The following TTBK2 variants were observed in gnomAD, a reference collection of about 807,000 sequenced individuals.
The protein encoded by TTBK2 is tau tubulin kinase 2, also known as tau-tubulin kinase 2.
TTBK2 carries 28 observed loss-of-function variants against 110.8 expected under a neutral mutation model. The ratio of observed to expected loss-of-function variants is 0.25; its 90% CI spans 0.19 to 0.35. The LOEUF (loss-of-function observed/expected upper bound fraction) is 0.35. Ranked by LOEUF, TTBK2 falls within the 10% of genes least tolerant of loss-of-function variation. The pLI is 1.00. For synonymous variants in TTBK2, 532 were observed against 527.3 expected, an observed-to-expected ratio of 1.01 and a Z score of -0.12; for missense variants, 1,369 against 1,500.3, an observed-to-expected ratio of 0.91 and a Z score of 1.45.
At chr15:42,855,808 C>G (rs1157777883) in intron 3 of TTBK2, among the ~76,000 whole-genome samples, 1 of 152,186 alleles carries the variant, frequency 6.6e-6, no homozygotes, top group Non-Finnish European at 1.5e-5. Context: ...CCTCAGCCTC[C>G]CGAGCAGCTG....
At chr15:42,851,950 A>G (rs2066885224) in intron 3 of TTBK2, among the ~76,000 whole-genome samples, 1 of 152,236 alleles carries the variant, frequency 6.6e-6, no homozygotes, top group Non-Finnish European at 1.5e-5. Flanking sequence ...TATTAGTTAT[A>G]TATGAATGAT....
chr15:42,825,701 C>T (rs971190005), intron 6 of TTBK2, among the ~76,000 whole-genome samples: 7 of 152,026 alleles, frequency 4.6e-5, no homozygotes, highest in African/African-American at 1.4e-4. Flanking sequence ...GGCGACAGAG[C>T]GAGACTCCAT....
chr15:42,814,138 C>A (rs1891843197), intron 7 of TTBK2, among the ~76,000 whole-genome samples: 1 of 152,156 alleles, frequency 6.6e-6, no homozygotes, highest in East Asian at 1.9e-4. Flanking sequence ...TCTCCTGCCT[C>A]AGCCTCCCGA....
chr15:42,766,445 G>GAAAAAAAAAAAAA lies in TTBK2; in HGVS notation c.1998+8689_1998+8690insTTTTTTTTTTTTT, dbSNP rs1424460257. On this transcript the variant is annotated intron_variant, in intron 13 of 14. Coordinates refer to ENST00000267890, the MANE Select transcript of TTBK2 (RefSeq NM_173500.4). ...GGAAGATCTACCAAGCGAATGGAAA[G>GAAAAAAAAAAAAA]CAAAAAAAAAAAAAAAAAAAAAGCA... is the stretch of plus-strand genomic sequence containing the variant. Among the ~76,000 whole-genome samples, 6 of 15,146 alleles carry GAAAAAAAAAAAAA rather than the reference G, an allele frequency of 4.0e-4. No homozygotes were observed. The African/African-American group carries it at 6.4e-3, about 16-fold the overall frequency. 9.9% of individuals were successfully genotyped at this position (15,146 alleles called of 152,430 possible).
intron 9 of TTBK2, chr15:42,798,293 T>C (rs1391652701): frequency 4.4e-6 from 2 of 456,102 alleles, no homozygotes; most frequent in East Asian, 7.0e-5. Flanking sequence ...AAGGGAAAAA[T>C]CTGAAAAAAA....
intron 1 of TTBK2, among the ~76,000 whole-genome samples, chr15:42,917,547 C>G (rs1218076286): frequency 1.3e-5 from 2 of 151,230 alleles, no homozygotes; most frequent in African/African-American, 4.9e-5. Flanking sequence ...TTTCATATGA[C>G]CTTAAAGGCT....
At chr15:42,909,979 G>A (rs2030654241) in intron 1 of TTBK2, among the ~76,000 whole-genome samples, 1 of 152,024 alleles carries the variant, frequency 6.6e-6, no homozygotes, top group South Asian at 2.1e-4. Flanking sequence ...AACACAGGGA[G>A]ATCCCATCTC....
At chr15:42,871,306 G>T in intron 3 of TTBK2, 1 of 265,654 alleles carries the variant, frequency 3.8e-6, no homozygotes, top group Non-Finnish European at 5.8e-6. Flanking sequence ...GAGACAGCTA[G>T]CATCCAAGGG....
In TTBK2 at chr15:42,856,634, G is replaced by A. The variant is rs571721406; in HGVS notation, c.217+15977C>T. Among the ~76,000 whole-genome samples, 11 of 152,230 alleles carry A rather than the reference G, an allele frequency of 7.2e-5. No individual in the cohort carries two copies. The South Asian group carries it at 1.0e-3, about 14-fold the overall frequency. On this transcript the variant is annotated intron_variant, in intron 3 of 14. Transcript: ENST00000267890. ...ATTAAGAAAAGAATCACTTTGGGAGGCCGAAACAAAAAGATCATTTGAGGC... is the reference window on the plus strand; with the variant it reads ...ATTAAGAAAAGAATCACTTTGGGAGACCGAAACAAAAAGATCATTTGAGGC...
chr15:42,848,872 T>C (rs771931392), intron 3 of TTBK2, among the ~76,000 whole-genome samples: 10 of 152,226 alleles, frequency 6.6e-5, no homozygotes, highest in Non-Finnish European at 1.3e-4. Context: ...CAGTTCTCAA[T>C]TGTTCATTGC....
rs548173545 is a variant in TTBK2 at position 42,915,720 on chromosome 15, G to C, written c.-68+4718C>G. Among the ~76,000 whole-genome samples, 9 of 152,320 alleles carry C rather than the reference G, an allele frequency of 5.9e-5. 1 individual carries two copies. The South Asian group carries it at 1.7e-3, about 28-fold the overall frequency. ...CCTGCACTTTGGGAGGCTGAGGTGG[G>C]AGGATTGCTTGAATTCAGGAGTTCA... On this transcript the variant is annotated intron_variant, in intron 1 of 14. Coordinates refer to ENST00000267890, the MANE Select transcript of TTBK2 (RefSeq NM_173500.4).
chr15:42,838,802 C>A (rs1217193131), intron 4 of TTBK2, among the ~76,000 whole-genome samples: 1 of 151,156 alleles, frequency 6.6e-6, no homozygotes, highest in Non-Finnish European at 1.5e-5. Context: ...GGTGACAGAC[C>A]AAGACTCCAT....
intron 9 of TTBK2, chr15:42,802,513 C>T (rs1458570615): frequency 8.3e-6 from 4 of 482,266 alleles, no homozygotes; most frequent in Admixed American, 6.3e-5. Context: ...GGGATTTTAG[C>T]AACATTGGTA....
intron 11 of TTBK2, among the ~76,000 whole-genome samples, chr15:42,777,959 A>C (rs953766582): frequency 1.3e-5 from 2 of 152,126 alleles, no homozygotes; most frequent in African/African-American, 2.4e-5. Context: ...CCTTGAAGGA[A>C]AGTTTCCCCA....
chr15:42,783,326 C>A, intron 11 of TTBK2, 93 bp downstream of exon 11: 3 of 1,250,720 alleles, frequency 2.4e-6, no homozygotes, highest in South Asian at 1.2e-5. Flanking sequence ...ACAGCCCTCA[C>A]CAGATACCAA....
At position 42,783,643 on chromosome 15, in the gene TTBK2, T is replaced by C. The variant is rs1050519813; in HGVS notation, c.981-8A>G. 5 of 1,607,990 alleles carry C rather than the reference T, an allele frequency of 3.1e-6. No individual in the cohort carries two copies. The highest frequency in any genetic ancestry group is 2.7e-5 in the African/African-American group (2 of 74,128). On this transcript the variant is annotated splice_region_variant and splice_polypyrimidine_tract_variant and intron_variant, in intron 10 of 14. Transcript: ENST00000267890. ...GGAGTAGCATTGGCAATTCTACATA[T>C]GAAGGGAGAAAAAAAAGGCAAGAAT... is the stretch of plus-strand genomic sequence containing the variant.
At chr15:42,902,539 C>A (rs142879816) in intron 1 of TTBK2, among the ~76,000 whole-genome samples, 4 of 151,722 alleles carry the variant, frequency 2.6e-5, no homozygotes, top group South Asian at 4.2e-4. Flanking sequence ...TAAAAAAAAA[C>A]CACAATGAGA....
chr15:42,804,169 T>C (rs1891351549), intron 9 of TTBK2, among the ~76,000 whole-genome samples: 1 of 151,174 alleles, frequency 6.6e-6, no homozygotes, highest in South Asian at 2.1e-4. Context: ...CAATGGCCAG[T>C]TGCCATGGCT....
chr15:42,881,764 G>A (rs1056517675), intron 1 of TTBK2, among the ~76,000 whole-genome samples: 4 of 151,738 alleles, frequency 2.6e-5, no homozygotes, highest in African/African-American at 4.8e-5. Context: ...CCAGCTACTC[G>A]GGAAGCTGAG....
Sources: gnomAD v4.1 joint callset for allele counts (sites outside exome capture counted in the v4.1 genomes callset) on GRCh38, gnomAD v4.1.1 for gene constraint, MANE v1.5 for transcripts, NCBI Gene and HGNC (gene_info 2026-07-23, HGNC 2026-07-21) for gene names.